CEP152: variants seen among roughly 807,000 people sequenced by gnomAD.
CEP152 encodes the protein centrosomal protein 152.
In CEP152, 132 loss-of-function variants were observed where a neutral mutation model predicts 188.9. The ratio of observed to expected loss-of-function variants is 0.70; its 90% CI spans 0.61 to 0.81. The LOEUF (loss-of-function observed/expected upper bound fraction) is 0.81. Ranked by LOEUF, CEP152 falls within the 30% of genes least tolerant of loss-of-function variation. CEP152 has a pLI of 0.00. For synonymous variants in CEP152, 649 were observed against 666.6 expected (o/e 0.97, Z 0.41); for missense variants, 1,914 against 1,969.8 (o/e 0.97, Z 0.54).
intron 26 of CEP152, chr15:48,740,693 C>G (rs1451431019): frequency 7.6e-6 from 1 of 132,380 alleles, no homozygotes; most frequent in Non-Finnish European, 1.5e-5. Context: ...GGTGCGATCA[C>G]AGCTCACTGC....
intron 17 of CEP152, among the ~76,000 whole-genome samples, chr15:48,766,073 T>C (rs1290111003): frequency 6.6e-6 from 1 of 152,184 alleles, no homozygotes; most frequent in African/African-American, 2.4e-5. Flanking sequence ...ACTTTTATAC[T>C]GCCATCCCTA....
intron 22 of CEP152, among the ~76,000 whole-genome samples, chr15:48,747,348 G>A (rs921407707): frequency 2.0e-5 from 3 of 152,098 alleles, no homozygotes; most frequent in Non-Finnish European, 1.5e-5. Context: ...TTTATTATCT[G>A]GTATGTGGTG....
chr15:48,753,240 C>A (rs1004605655), intron 20 of CEP152, among the ~76,000 whole-genome samples: 3 of 152,152 alleles, frequency 2.0e-5, no homozygotes, highest in Admixed American at 6.5e-5. Context: ...CCAGTTCAAG[C>A]GATTCTCCTG....
At chr15:48,798,961 A>G (rs1433222788) in intron 2 of CEP152, among the ~76,000 whole-genome samples, 2 of 152,192 alleles carry the variant, frequency 1.3e-5, no homozygotes, top group Non-Finnish European at 2.9e-5. Context: ...TATTTCTTAA[A>G]TTATGTAACA....
At chr15:48,752,187 C>A (rs1374478868) in intron 21 of CEP152, among the ~76,000 whole-genome samples, 162 bp downstream of exon 21, 1 of 152,150 alleles carries the variant, frequency 6.6e-6, no homozygotes, top group East Asian at 1.9e-4. Flanking sequence ...CTAAATTAAC[C>A]CTCTTATCTA....
rs754267846 is a variant in CEP152 at position 48,755,998 on chromosome 15, CA to C, written c.3249del (p.Val1084CysfsTer7). On this transcript the variant is annotated frameshift_variant, in exon 20 of 27. Transcript: ENST00000380950. LOFTEE classifies it high-confidence loss of function. ...IMSTCSSKWM[S>X]VQYFEKLKGC... ...CCCTTTAGTTTTTCAAAATATTGCA[CA>C]GACATCCATTTTGAAGAACAAGTCG... 5.0e-5 allele frequency: 81 copies of C among 1,613,918 alleles called. No individual in the cohort carries two copies. The highest frequency in any genetic ancestry group is 5.9e-5 in the Non-Finnish European group (70 of 1,179,962).
Position 48,809,846 on chromosome 15 carries a change from G to A in CEP152, c.-8+1115C>T, listed in dbSNP as rs181942603. 2.6e-5 allele frequency among the ~76,000 whole-genome samples: 4 copies of A among 152,258 alleles called. No individual in the cohort carries two copies. In the East Asian group the frequency reaches 7.7e-4, roughly 29 times the overall value. ...AGGTTTAGGGAATAAAGAGGATTCC[G>A]CATATCTGAGAAAAGGTGAATGTGC... On this transcript the variant is annotated intron_variant, in intron 1 of 26. Transcript: ENST00000380950.
At chr15:48,776,812 G>A (rs1441986391) in intron 12 of CEP152, among the ~76,000 whole-genome samples, 1 of 152,118 alleles carries the variant, frequency 6.6e-6, no homozygotes, top group Non-Finnish European at 1.5e-5. Flanking sequence ...TTTCTTCATG[G>A]GAAGTAAGGT....
At chr15:48,797,847 A>C in intron 3 of CEP152, 101 bp downstream of exon 3, 1 of 1,488,260 alleles carries the variant, frequency 6.7e-7, no homozygotes, top group Non-Finnish European at 9.3e-7. Context: ...AATTTTAAGA[A>C]TCAATTTACA....
intron 18 of CEP152, 80 bp from the exon 19 acceptor site, chr15:48,760,346 T>C: frequency 6.5e-7 from 1 of 1,529,198 alleles, no homozygotes. Flanking sequence ...GCAATTATGA[T>C]TTCAGTATTT....
chr15:48,793,653 A>C (rs1897121993), intron 6 of CEP152, among the ~76,000 whole-genome samples, 192 bp from the exon 7 acceptor site: 1 of 152,228 alleles, frequency 6.6e-6, no homozygotes, highest in African/African-American at 2.4e-5. Flanking sequence ...AAACAGTCTT[A>C]TTTTGTGAAA....
At chr15:48,761,607 C>T (rs938863516) in intron 18 of CEP152, among the ~76,000 whole-genome samples, 1 of 152,118 alleles carries the variant, frequency 6.6e-6, no homozygotes, top group Non-Finnish European at 1.5e-5. Flanking sequence ...TTCTGACAGT[C>T]AGTGGAATGT....
chr15:48,774,241 A>G (rs1218333656), intron 12 of CEP152, among the ~76,000 whole-genome samples: 2 of 152,182 alleles, frequency 1.3e-5, no homozygotes, highest in African/African-American at 4.8e-5. Flanking sequence ...CACAGAACAT[A>G]TTACATTTTC....
chr15:48,765,636 ATTTTTTT>A lies in CEP152; in HGVS notation c.2280+1417_2280+1423del, dbSNP rs34837739. On this transcript the variant is annotated intron_variant, in intron 17 of 26. Transcript: ENST00000380950. ...GAAAATTCCTCTTATGTTCTTGCCA[ATTTTTTT>A]TTTTTTTTTTTTTTTTTTTTTTTTT... The A allele has an allele frequency of 3.1e-3, 588 of 189,192 alleles. 1 individual carries two copies. The highest frequency in any genetic ancestry group is 0.028 in the African/African-American group (436 of 15,674). The allele number at this position is 189,192 out of a possible 1,614,324, so 11.7% of individuals were successfully genotyped here.
rs1218679305 is a variant in CEP152 at position 48,744,349 on chromosome 15, A to G, written c.3732-6T>C. The G allele has an allele frequency of 1.2e-6, 2 of 1,614,066 alleles. No homozygotes were observed. Among genetic ancestry groups the G allele is most frequent in the Non-Finnish European group, 1.7e-6 (2 of 1,179,956 alleles). ...TGGCCCCTGCTGACAATGACCTAAAAAACAAACCAAAGATTACAAAAACAG... is the reference window on the plus strand; with the variant it reads ...TGGCCCCTGCTGACAATGACCTAAAGAACAAACCAAAGATTACAAAAACAG... On this transcript the variant is annotated splice_region_variant and splice_polypyrimidine_tract_variant and intron_variant, in intron 23 of 26. Transcript: ENST00000380950.
At chr15:48,737,421 TTC>T (rs1892661113), downstream of CEP152, among the ~76,000 whole-genome samples, 1 of 152,236 alleles carries the variant, frequency 6.6e-6, no homozygotes, top group African/African-American at 2.4e-5. Context: ...TCTGCATGTA[TTC>T]TTCAGTTTAG....
Position 48,796,046 on chromosome 15 carries a change from C to T in CEP152, c.655G>A (p.Glu219Lys), listed in dbSNP as rs761010125. 2.5e-6 allele frequency: 4 copies of T among 1,613,832 alleles called. No individual in the cohort carries two copies. Among genetic ancestry groups the T allele is most frequent in the Non-Finnish European group, 3.4e-6 (4 of 1,179,846 alleles). The change falls in exon 6 of 27, where the codon GAA becomes AAA. Residue 219 changes from glutamate to lysine, a missense_variant. Glu to Lys is a moderately conservative substitution (Grantham distance 56). Transcript: ENST00000380950. ...CCTAAAAATTGTTGTTGCAGGCCTTCGAATGTGTCACTTCCTGTTATCTCC... is the reference window on the plus strand; with the variant it reads ...CCTAAAAATTGTTGTTGCAGGCCTTTGAATGTGTCACTTCCTGTTATCTCC... ...AQEITGSDTF[E>K]GLQQQFLGAN... is the part of the protein sequence containing the mutation.
At chr15:48,806,354 G>A (rs1897987671) in intron 1 of CEP152, among the ~76,000 whole-genome samples, 1 of 152,208 alleles carries the variant, frequency 6.6e-6, no homozygotes, top group African/African-American at 2.4e-5. Context: ...AGCAGCAGCA[G>A]GAAATGGGTT....
chr15:48,809,425 C>T (rs1000683454), intron 1 of CEP152, among the ~76,000 whole-genome samples: 12 of 151,910 alleles, frequency 7.9e-5, no homozygotes, highest in African/African-American at 2.2e-4. Context: ...TAATAAATTC[C>T]GTAGTAGATG....
Sources: allele counts gnomAD v4.1 joint callset (sites outside exome capture counted in the v4.1 genomes callset), GRCh38; gene constraint gnomAD v4.1.1; transcripts MANE v1.5; gene names NCBI Gene and HGNC (gene_info 2026-07-23, HGNC 2026-07-21).